Variants in PCDHGA11 observed in about 807,000 individuals in gnomAD.
PCDHGA11 encodes protocadherin gamma subfamily A, 11.
In PCDHGA11, 39 loss-of-function variants were observed where a neutral mutation model predicts 60.4. The ratio of observed to expected loss-of-function variants is 0.65; its 90% CI spans 0.50 to 0.84. The LOEUF (loss-of-function observed/expected upper bound fraction) is 0.84. PCDHGA11 is among the 40% of genes least tolerant of loss of function. The probability of loss-of-function intolerance (pLI) is 0.00; values close to 1 mark genes in which losing one functional copy is unlikely to be tolerated. For missense variants in PCDHGA11, 1,165 were observed against 1,197.7 expected, an observed-to-expected ratio of 0.97 and a Z score of 0.40; for synonymous variants, 533 against 510.3, an observed-to-expected ratio of 1.04 and a Z score of -0.60.
intron 1 of PCDHGA11, chr5:141,428,370 C>A: frequency 1.8e-6 from 1 of 540,734 alleles, no homozygotes; most frequent in Non-Finnish European, 3.4e-6. Flanking sequence ...TCGCCTTGCA[C>A]CTGCGATGCT....
In PCDHGA11 at chr5:141,421,722, G is replaced by C; in HGVS notation, c.495G>C (p.Val165=). The part of the protein sequence containing the change: ...LPNARDPDVG[V]NSLQSYQLSP... The stretch of plus-strand genomic sequence containing the variant: ...ATGCTAGGGATCCAGATGTGGGCGT[G>C]AACTCCCTCCAGAGCTACCAGCTCA... Residue 165 remains valine (V), a synonymous_variant, in exon 1 of 4, where the codon GTG becomes GTC. Coordinates refer to ENST00000398587, the MANE Select transcript of PCDHGA11 (RefSeq NM_018914.3). The C allele has an allele frequency of 6.2e-7, 1 of 1,613,972 alleles. No individual in the cohort carries two copies. The highest frequency in any genetic ancestry group is 8.5e-7 in the Non-Finnish European group (1 of 1,179,880).
chr5:141,437,434 G>A (rs183505868), intron 1 of PCDHGA11, among the ~76,000 whole-genome samples: 409 of 152,312 alleles, frequency 2.7e-3, no homozygotes, highest in Middle Eastern at 6.8e-3. Flanking sequence ...AGCAGCAATA[G>A]CATAGGAATG....
intron 1 of PCDHGA11, among the ~76,000 whole-genome samples, chr5:141,481,761 G>A (rs984825493): frequency 2.6e-5 from 4 of 152,234 alleles, no homozygotes; most frequent in Non-Finnish European, 2.9e-5. Context: ...AGACCAGCCT[G>A]GCCAACATGG....
chr5:141,505,381 C>T lies in PCDHGA11; in HGVS notation c.2493-12C>T. On this transcript the variant is annotated splice_polypyrimidine_tract_variant and intron_variant, in intron 2 of 3. Transcript: ENST00000398587. Reference sequence around the variant, plus strand: ...CTGGGAGTCTGTGCTCACCATCCTACTCTCTCCCCAGCTCCCAAAATGGCG... The same window carrying T: ...CTGGGAGTCTGTGCTCACCATCCTATTCTCTCCCCAGCTCCCAAAATGGCG... 1 of 1,614,064 alleles carries T rather than the reference C, an allele frequency of 6.2e-7. No homozygotes were observed.
intron 1 of PCDHGA11, among the ~76,000 whole-genome samples, chr5:141,438,771 C>T (rs1056879944): frequency 1.3e-5 from 2 of 149,126 alleles, no homozygotes; most frequent in Non-Finnish European, 3.0e-5. Flanking sequence ...AAGCGATTCT[C>T]CTGCCTCAGC....
At chr5:141,446,020 T>C (rs1226676321) in intron 1 of PCDHGA11, among the ~76,000 whole-genome samples, 1 of 152,180 alleles carries the variant, frequency 6.6e-6, no homozygotes, top group African/African-American at 2.4e-5. Context: ...ACTATGGCAA[T>C]ATTCCTGGTA....
chr5:141,421,248 C>G lies in PCDHGA11; in HGVS notation c.21C>G (p.Arg7=). 2 of 1,604,936 alleles carry G rather than the reference C, an allele frequency of 1.2e-6. No individual in the cohort carries two copies. The highest frequency in any genetic ancestry group is 1.7e-4 in the Middle Eastern group (1 of 6,022). The change falls in exon 1 of 4, where the codon CGC becomes CGG. Residue 7 remains arginine (R), a synonymous_variant. Transcript: ENST00000398587. ...CTGCCATGGCGAATCGGCTACAGCG[C>G]GGGGACCGCAGTCGGCTGCTGCTGC... MANRLQ[R]GDRSRLLLLL...
chr5:141,430,235 G>T (rs1020445956), intron 1 of PCDHGA11, among the ~76,000 whole-genome samples: 3 of 128,670 alleles, frequency 2.3e-5, no homozygotes, highest in Non-Finnish European at 4.7e-5. Context: ...GTCAAAAAGA[G>T]AAACTCCTAG....
At position 141,486,804 on chromosome 5, in the gene PCDHGA11, C is replaced by G. The variant is rs755001457; in HGVS notation, c.2434-8003C>G. On this transcript the variant is annotated intron_variant, in intron 1 of 3. Transcript: ENST00000398587. This position sits in a 1 kb window ranked among gnomAD's most constrained non-coding sequence, Gnocchi z 5.0. ...CAGGCCCGGGATCGGGGCAACCCAC[C>G]CCTTAGCAGCACTGTAACAGTTCGT... 2 of 1,614,232 alleles carry G rather than the reference C, an allele frequency of 1.2e-6. No homozygotes were observed. The highest frequency in any genetic ancestry group is 3.3e-5 in the Admixed American group (2 of 60,032).
intron 1 of PCDHGA11, chr5:141,440,359 G>T (rs932656332): frequency 5.3e-5 from 8 of 152,106 alleles, no homozygotes; most frequent in Non-Finnish European, 1.2e-4. Context: ...CTAGCTACTC[G>T]GGGGGCCGAG....
In PCDHGA11 at chr5:141,511,925, G is replaced by C. The variant is rs2099884008; in HGVS notation, c.*752G>C. 1 of 155,320 alleles carries C rather than the reference G, an allele frequency of 6.4e-6. No homozygotes were observed. Among genetic ancestry groups the C allele is most frequent in the Admixed American group, 6.3e-5 (1 of 15,924 alleles). 9.6% of individuals were successfully genotyped at this position (155,320 alleles called of 1,614,324 possible). A position where few individuals can be genotyped will look rare whatever the true frequency, so the allele number is the denominator to read the frequency against. ...CCTCAAACAAGAGACTCCACTGCAT[G>C]TTCCAAGACAGTATGGGGTGGTAAG... On this transcript the variant is annotated 3_prime_UTR_variant, in exon 4 of 4. Coordinates refer to ENST00000398587, the MANE Select transcript of PCDHGA11 (RefSeq NM_018914.3).
chr5:141,476,083 T>C lies in PCDHGA11; in HGVS notation c.2434-18724T>C. 1 of 1,547,886 alleles carries C rather than the reference T, an allele frequency of 6.5e-7. No homozygotes were observed. The highest frequency in any genetic ancestry group is 8.7e-7 in the Non-Finnish European group (1 of 1,153,242). The stretch of plus-strand genomic sequence containing the variant: ...TCTCAGCGAAATCTCAGGGACGATC[T>C]GGACCCCGCTGAGAGGAACTGCTTT... On this transcript the variant is annotated intron_variant, in intron 1 of 3. Coordinates refer to ENST00000398587, the MANE Select transcript of PCDHGA11 (RefSeq NM_018914.3). This position sits in a 1 kb window ranked among gnomAD's most constrained non-coding sequence, Gnocchi z 7.6.
At position 141,487,033 on chromosome 5, in the gene PCDHGA11, A is replaced by C. The variant is rs1465525110; in HGVS notation, c.2434-7774A>C. ...AGGCCCCAGATCCCAGCCTGTTTGC[A>C]GTCTCTCGATATGCTGGGGAGGTGC... On this transcript the variant is annotated intron_variant, in intron 1 of 3. Transcript: ENST00000398587. This position sits in a 1 kb window ranked among gnomAD's most constrained non-coding sequence, Gnocchi z 5.0. 3 of 1,614,160 alleles carry C rather than the reference A, an allele frequency of 1.9e-6. No individual in the cohort carries two copies. Among genetic ancestry groups the C allele is most frequent in the Non-Finnish European group, 2.5e-6 (3 of 1,180,032 alleles).
At chr5:141,478,345 C>T (rs755421316) in intron 1 of PCDHGA11, 3 of 1,613,850 alleles carry the variant, frequency 1.9e-6, no homozygotes, top group East Asian at 4.5e-5. Context: ...CCTCCTTGCA[C>T]GCGGACGCCG....
chr5:141,450,817 A>G, intron 1 of PCDHGA11, among the ~76,000 whole-genome samples: 1 of 137,534 alleles, frequency 7.3e-6, no homozygotes, highest in East Asian at 2.1e-4. Context: ...TTTATTTAAT[A>G]TTATTATTAT....
chr5:141,504,728 G>A (rs978910481), intron 2 of PCDHGA11, among the ~76,000 whole-genome samples: 5 of 151,522 alleles, frequency 3.3e-5, no homozygotes, highest in African/African-American at 9.7e-5. Context: ...TACTCTGAGG[G>A]CTTAGGAAGC....
rs772043134 is a variant in PCDHGA11, at chr5:141,432,746, G to A, written c.2433+9086G>A. 1.2e-6 allele frequency: 2 copies of A among 1,614,098 alleles called. No homozygotes were observed. Among genetic ancestry groups the A allele is most frequent in the East Asian group, 4.5e-5 (2 of 44,860 alleles). On this transcript the variant is annotated intron_variant, in intron 1 of 3. Coordinates refer to ENST00000398587, the MANE Select transcript of PCDHGA11 (RefSeq NM_018914.3). The surrounding 1 kb of genome is among the most constrained non-coding windows in gnomAD (Gnocchi z 6.0). ...CTCCGCCACTGTCACGCTCACCGTGGCCGTGGCCGACAGCATCCCCCAAGT... is the reference window on the plus strand; with the variant it reads ...CTCCGCCACTGTCACGCTCACCGTGACCGTGGCCGACAGCATCCCCCAAGT...
At chr5:141,459,737 A>T (rs2098974670) in intron 1 of PCDHGA11, among the ~76,000 whole-genome samples, 1 of 152,176 alleles carries the variant, frequency 6.6e-6, no homozygotes, top group African/African-American at 2.4e-5. Flanking sequence ...CAATTTTTTA[A>T]ATTTTAGCAA....
intron 2 of PCDHGA11, among the ~76,000 whole-genome samples, chr5:141,501,286 C>T (rs2099806802): frequency 8.9e-6 from 1 of 112,422 alleles, no homozygotes; most frequent in African/African-American, 3.5e-5. Context: ...GGGATATTCC[C>T]TTATACACAC....
Sources: gnomAD v4.1 joint callset for allele counts (sites outside exome capture counted in the v4.1 genomes callset) on GRCh38, gnomAD v4.1.1 for gene constraint, Gnocchi (gnomAD v3.1) non-coding constraint, MANE v1.5 for transcripts, NCBI Gene and HGNC (gene_info 2026-07-23, HGNC 2026-07-21) for gene names.